NAALADL2: variants seen among roughly 807,000 people sequenced by gnomAD.
The protein encoded by NAALADL2 is N-acetylated alpha-linked acidic dipeptidase like 2.
Under a neutral mutation model 87.2 loss-of-function variants are expected in NAALADL2, and 76 were observed. The ratio of observed to expected loss-of-function variants is 0.87; its 90% CI spans 0.72 to 1.05. The LOEUF is 1.05. NAALADL2 is among the 50% of genes least tolerant of loss of function. The probability of loss-of-function intolerance (pLI) is 0.00; values close to 1 mark genes in which losing one functional copy is unlikely to be tolerated. For synonymous variants in NAALADL2, 354 were observed against 331.0 expected (o/e 1.07, Z -0.75); for missense variants, 1,089 against 945.8 (o/e 1.15, Z -1.99).
At chr3:175,213,940 G>T (rs4894701) in intron 2 of NAALADL2, among the ~76,000 whole-genome samples, 63,823 of 151,866 alleles carry the variant, frequency 0.42, 14,845 homozygotes, top group Non-Finnish European at 0.52. Flanking sequence ...ACTGTAAGAG[G>T]GAACTCCTAT....
intron 2 of NAALADL2, among the ~76,000 whole-genome samples, chr3:174,579,036 AT>A (rs1466375404): frequency 6.6e-6 from 1 of 152,030 alleles, no homozygotes; most frequent in Non-Finnish European, 1.5e-5. Context: ...GGAAATAAGA[AT>A]AAAAATCACA....
chr3:174,971,220 G>T (rs1168037061), intron 1 of NAALADL2, among the ~76,000 whole-genome samples: 1 of 152,216 alleles, frequency 6.6e-6, no homozygotes, highest in East Asian at 1.9e-4. Context: ...TACAATCCAA[G>T]TTGAGATTTG....
At chr3:175,392,326 T>C (rs748472720) in intron 5 of NAALADL2, among the ~76,000 whole-genome samples, 8 of 152,210 alleles carry the variant, frequency 5.3e-5, no homozygotes, top group Non-Finnish European at 8.8e-5. Flanking sequence ...AAACACACTA[T>C]TTGCTTACAA....
chr3:175,393,205 C>A (rs936198097), intron 5 of NAALADL2, among the ~76,000 whole-genome samples: 2 of 129,254 alleles, frequency 1.5e-5, no homozygotes, highest in Non-Finnish European at 3.1e-5. Flanking sequence ...ACCCGGGAAG[C>A]GGAGCTTGCA....
intron 7 of NAALADL2, 51 bp from the exon 8 acceptor site, chr3:175,466,928 T>C: frequency 7.3e-7 from 1 of 1,366,100 alleles, no homozygotes; most frequent in Non-Finnish European, 1.0e-6. Context: ...ATTAAATTTA[T>C]TGTTAAGGTT....
In NAALADL2 at chr3:175,810,333, G is replaced by T. The variant is rs1445577468; in HGVS notation, c.*7130G>T. The T allele has an allele frequency of 1.3e-5, 2 of 151,890 alleles. No homozygotes were observed. Among genetic ancestry groups the T allele is most frequent in the African/African-American group, 4.8e-5 (2 of 41,374 alleles). 9.4% of individuals were successfully genotyped at this position (151,890 alleles called of 1,614,324 possible). ...AAGAAATTATGTTGTGATCTGGAGT[G>T]ACACAAATGGATTGAGATACCACAT... On this transcript the variant is annotated 3_prime_UTR_variant, in exon 14 of 14. Coordinates refer to ENST00000454872, the MANE Select transcript of NAALADL2 (RefSeq NM_207015.3).
intron 1 of NAALADL2, among the ~76,000 whole-genome samples, chr3:174,461,413 A>G (rs771684442): frequency 6.6e-6 from 1 of 152,070 alleles, no homozygotes; most frequent in Non-Finnish European, 1.5e-5. Flanking sequence ...TTTGTAGGAA[A>G]CGATGGGTAG....
At chr3:175,391,445 A>G (rs890822099) in intron 5 of NAALADL2, among the ~76,000 whole-genome samples, 2 of 152,202 alleles carry the variant, frequency 1.3e-5, no homozygotes, top group Admixed American at 1.3e-4. Context: ...GCCAGCTGCC[A>G]TATTGCAAAC....
chr3:174,984,645 AT>A (rs910800397), intron 1 of NAALADL2, among the ~76,000 whole-genome samples: 26 of 151,648 alleles, frequency 1.7e-4, no homozygotes, highest in South Asian at 4.2e-4. Context: ...ATTGATATCA[AT>A]TTTTTTTTCA....
intron 1 of NAALADL2, among the ~76,000 whole-genome samples, chr3:174,446,272 A>G (rs1328682989): frequency 6.6e-6 from 1 of 152,186 alleles, no homozygotes; most frequent in African/African-American, 2.4e-5. Context: ...GAAAAACTTC[A>G]GAAGTGCTAT....
At chr3:174,830,698 A>C (rs1722573858) in intron 3 of NAALADL2, among the ~76,000 whole-genome samples, 1 of 152,146 alleles carries the variant, frequency 6.6e-6, no homozygotes, top group Non-Finnish European at 1.5e-5. Flanking sequence ...TACCTTGGGC[A>C]GTATGGCCAT....
chr3:175,477,852 T>G (rs1425476139), intron 9 of NAALADL2, among the ~76,000 whole-genome samples: 1 of 152,070 alleles, frequency 6.6e-6, no homozygotes, highest in East Asian at 1.9e-4. Flanking sequence ...AATTTAGACT[T>G]ATTTTTTCCA....
intron 13 of NAALADL2, among the ~76,000 whole-genome samples, chr3:175,779,605 G>GTAT (rs1232501087): frequency 1.3e-5 from 2 of 152,112 alleles, no homozygotes; most frequent in Non-Finnish European, 2.9e-5. Flanking sequence ...GGTATGAGTA[G>GTAT]TATTTCTGTA....
At chr3:175,137,670 A>G (rs1729325863) in intron 2 of NAALADL2, among the ~76,000 whole-genome samples, 1 of 150,176 alleles carries the variant, frequency 6.7e-6, no homozygotes, top group African/African-American at 2.5e-5. Flanking sequence ...CAATGGCTCA[A>G]CCTCAGCTCA....
intron 1 of NAALADL2, among the ~76,000 whole-genome samples, chr3:174,531,290 T>C (rs1721216550): frequency 6.6e-6 from 1 of 152,064 alleles, no homozygotes; most frequent in South Asian, 2.1e-4. Context: ...ATTCTTTTGG[T>C]TCTGTCTTAG....
At chr3:174,672,497 C>G (rs955807866) in intron 2 of NAALADL2, among the ~76,000 whole-genome samples, 1 of 151,736 alleles carries the variant, frequency 6.6e-6, no homozygotes, top group Non-Finnish European at 1.5e-5. Flanking sequence ...TATGTTCTAG[C>G]AAGATAAGTA....
intron 1 of NAALADL2, among the ~76,000 whole-genome samples, chr3:174,539,189 A>T (rs1721995212): frequency 6.6e-6 from 1 of 152,194 alleles, no homozygotes; most frequent in South Asian, 2.1e-4. Flanking sequence ...TTTCAGCAAA[A>T]GCAATAACCA....
At chr3:175,318,481 T>A (rs1560348882) in intron 4 of NAALADL2, among the ~76,000 whole-genome samples, 1 of 152,130 alleles carries the variant, frequency 6.6e-6, no homozygotes, top group Admixed American at 6.5e-5. Context: ...AAGTTTTTAT[T>A]TTTTTCCTCA....
At chr3:175,609,221 G>GA (rs1287757542) in intron 10 of NAALADL2, among the ~76,000 whole-genome samples, 4 of 151,084 alleles carry the variant, frequency 2.6e-5, no homozygotes, top group Non-Finnish European at 5.9e-5. Flanking sequence ...CAGCCAGTAG[G>GA]AAAAAAAAGT....
Sources: gnomAD v4.1 joint callset for allele counts (sites outside exome capture counted in the v4.1 genomes callset) on GRCh38, gnomAD v4.1.1 for gene constraint, MANE v1.5 for transcripts, NCBI Gene and HGNC (gene_info 2026-07-23, HGNC 2026-07-21) for gene names.